Variants in DNAL1 observed in about 807,000 individuals in gnomAD.
The protein encoded by DNAL1 is dynein axonemal light chain 1.
DNAL1 carries 17 observed loss-of-function variants against 29.4 expected under a neutral mutation model. The observed-to-expected ratio is 0.58, with a 90% CI of 0.40 to 0.87. The LOEUF (loss-of-function observed/expected upper bound fraction) is 0.87. DNAL1 is among the 40% of genes least tolerant of loss of function. The probability of loss-of-function intolerance (pLI) is 0.00; values close to 1 mark genes in which losing one functional copy is unlikely to be tolerated. For missense variants in DNAL1, 188 were observed against 214.1 expected (o/e 0.88, Z 0.76); for synonymous variants, 78 against 76.3 (o/e 1.02, Z -0.12).
At chr14:73,689,852 A>C (rs1892123863) in intron 7 of DNAL1, among the ~76,000 whole-genome samples, 1 of 151,962 alleles carries the variant, frequency 6.6e-6, no homozygotes, top group South Asian at 2.1e-4. Flanking sequence ...CCTGGCCAAC[A>C]TGGTGAAACC....
At chr14:73,694,581 G>A (rs1892257502) in intron 7 of DNAL1, among the ~76,000 whole-genome samples, 1 of 152,080 alleles carries the variant, frequency 6.6e-6, no homozygotes, top group Admixed American at 6.6e-5. Flanking sequence ...TCAGCAATTG[G>A]GGGAGGTCAT....
At chr14:73,687,226 CAT>C (rs1411728935) in intron 5 of DNAL1, 31 bp from the exon 6 acceptor site, 1 of 1,607,160 alleles carries the variant, frequency 6.2e-7, no homozygotes, top group South Asian at 1.1e-5. Context: ...AAAGCTTAAA[CAT>C]AAACATAAAT....
rs903827032 is a variant in DNAL1 at position 73,696,248 on chromosome 14, T to G, written c.*306T>G. On this transcript the variant is annotated 3_prime_UTR_variant, in exon 8 of 8. Coordinates refer to ENST00000553645, the MANE Select transcript of DNAL1 (RefSeq NM_031427.4). ...ACAAAACCTTTGTAGACCAGTCATT[T>G]TTAATAACAAAGGAACAAATGTTTT... The G allele has an allele frequency of 1.4e-5, 3 of 208,422 alleles. No individual in the cohort carries two copies. Among genetic ancestry groups the G allele is most frequent in the African/African-American group, 6.9e-5 (3 of 43,442 alleles). 12.9% of individuals were successfully genotyped at this position (208,422 alleles called of 1,614,324 possible). A position where few individuals can be genotyped will look rare whatever the true frequency, so the allele number is the denominator to read the frequency against.
At chr14:73,647,238 G>A (rs1450573758) in intron 1 of DNAL1, among the ~76,000 whole-genome samples, 5 of 151,526 alleles carry the variant, frequency 3.3e-5, no homozygotes, top group African/African-American at 4.8e-5. Flanking sequence ...GGTGGTAGGC[G>A]CCTATAGTCC....
At position 73,697,266 on chromosome 14, in the gene DNAL1, A is replaced by G. The variant is rs1892320029; in HGVS notation, c.*1324A>G. 1 of 152,164 alleles carries G rather than the reference A, an allele frequency of 6.6e-6. No individual in the cohort carries two copies. The highest frequency in any genetic ancestry group is 2.4e-5 in the African/African-American group (1 of 41,416). The allele number at this position is 152,164 out of a possible 1,614,324, so 9.4% of individuals were successfully genotyped here. A position where few individuals can be genotyped will look rare whatever the true frequency, so the allele number is the denominator to read the frequency against. On this transcript the variant is annotated 3_prime_UTR_variant, in exon 8 of 8. Coordinates refer to ENST00000553645, the MANE Select transcript of DNAL1 (RefSeq NM_031427.4). ...AGAGACTGTTGATTCTGGTTTCCCC[A>G]TCTACTTGTGTGATTTTACTTGCAT...
intron 5 of DNAL1, among the ~76,000 whole-genome samples, chr14:73,678,612 C>A (rs1226378374): frequency 6.7e-6 from 1 of 149,966 alleles, no homozygotes; most frequent in Non-Finnish European, 1.5e-5. Flanking sequence ...CTGAGACAGG[C>A]AGTTTGTCAA....
chr14:73,697,231 A>G lies in DNAL1; in HGVS notation c.*1289A>G, dbSNP rs1892319055. The stretch of plus-strand genomic sequence containing the variant: ...AGGGGCCCTCTGCCAAATTGTGCCT[A>G]AAGTCCCTCAGAGACTGTTGATTCT... On this transcript the variant is annotated 3_prime_UTR_variant, in exon 8 of 8. Transcript: ENST00000553645. 6.6e-6 allele frequency: 1 copy of G among 152,198 alleles called. No homozygotes were observed. The highest frequency in any genetic ancestry group is 1.5e-5 in the Non-Finnish European group (1 of 68,034). The allele number at this position is 152,198 out of a possible 1,614,324, so 9.4% of individuals were successfully genotyped here.
chr14:73,691,789 G>A (rs1892176882), intron 7 of DNAL1, among the ~76,000 whole-genome samples: 1 of 150,534 alleles, frequency 6.6e-6, no homozygotes, highest in South Asian at 2.1e-4. Flanking sequence ...CGCCTCCCGG[G>A]TTCAAGCGAT....
At chr14:73,659,756 AC>A (rs1284240793) in intron 3 of DNAL1, 1 of 152,006 alleles carries the variant, frequency 6.6e-6, no homozygotes, top group Non-Finnish European at 1.5e-5. Flanking sequence ...CCTAAGAGAT[AC>A]CCCTTAAAAA....
At chr14:73,668,519 G>C (rs7157944) in intron 4 of DNAL1, among the ~76,000 whole-genome samples, 44,952 of 151,938 alleles carry the variant, frequency 0.3, 6,958 homozygotes, top group Middle Eastern at 0.42. Context: ...TAATTTGCTA[G>C]GTTGCTGTAA....
chr14:73,668,130 C>T (rs1891531912), intron 4 of DNAL1, among the ~76,000 whole-genome samples: 1 of 152,158 alleles, frequency 6.6e-6, no homozygotes, highest in South Asian at 2.1e-4. Context: ...CTAACATCAT[C>T]TCCTATCAAA....
At chr14:73,650,458 G>A (rs984122542) in intron 1 of DNAL1, among the ~76,000 whole-genome samples, 2 of 152,108 alleles carry the variant, frequency 1.3e-5, no homozygotes, top group African/African-American at 4.8e-5. Flanking sequence ...ATAGATGTAA[G>A]CTCCATGAAG....
intron 7 of DNAL1, among the ~76,000 whole-genome samples, chr14:73,691,683 C>T (rs1892174578): frequency 6.6e-6 from 1 of 152,058 alleles, no homozygotes; most frequent in Non-Finnish European, 1.5e-5. Context: ...TTCAGCTGGG[C>T]TGTTAAGAAA....
chr14:73,661,965 T>G lies in DNAL1; in HGVS notation c.153-22T>G, dbSNP rs1323557415. ...TACCATTTACATTTTTCACATTAAA[T>G]TTTTTCTTTGTTCTTTTAAAGGAAG... On this transcript the variant is annotated intron_variant, in intron 3 of 7. Transcript: ENST00000553645. 3.3e-6 allele frequency: 5 copies of G among 1,523,200 alleles called. No individual in the cohort carries two copies. In the South Asian group the frequency reaches 5.1e-5, roughly 15 times the overall value. 94.4% of individuals were successfully genotyped at this position (1,523,200 alleles called of 1,614,324 possible).
chr14:73,655,878 A>G (rs944131511), intron 2 of DNAL1, among the ~76,000 whole-genome samples: 4 of 152,202 alleles, frequency 2.6e-5, no homozygotes, highest in African/African-American at 9.6e-5. Context: ...GACATGCATT[A>G]TATATAAATT....
chr14:73,649,307 G>A (rs1891059219), intron 1 of DNAL1, among the ~76,000 whole-genome samples: 1 of 147,858 alleles, frequency 6.8e-6, no homozygotes, highest in African/African-American at 2.5e-5. Flanking sequence ...TTTTGAGACG[G>A]AGTCTCGCTC....
chr14:73,648,847 C>CTAAAT (rs1891044936), intron 1 of DNAL1, among the ~76,000 whole-genome samples: 1 of 151,138 alleles, frequency 6.6e-6, no homozygotes, highest in Non-Finnish European at 1.5e-5. Context: ...TATTGGTCCT[C>CTAAAT]ATTGGTTTCA....
chr14:73,695,874 C>G (rs1159786979), intron 7 of DNAL1, 28 bp from the exon 8 acceptor site: 1 of 1,535,832 alleles, frequency 6.5e-7, no homozygotes, highest in Middle Eastern at 1.7e-4. Flanking sequence ...TTGAGAATAA[C>G]CAGTAATAAT....
intron 1 of DNAL1, among the ~76,000 whole-genome samples, chr14:73,648,888 A>G (rs1369770189): frequency 6.7e-6 from 1 of 149,952 alleles, no homozygotes; most frequent in Non-Finnish European, 1.5e-5. Context: ...GGCCAGAAGA[A>G]TAATAAATAT....
Sources: gnomAD v4.1 joint callset for allele counts (sites outside exome capture counted in the v4.1 genomes callset) on GRCh38, gnomAD v4.1.1 for gene constraint, MANE v1.5 for transcripts, NCBI Gene and HGNC (gene_info 2026-07-23, HGNC 2026-07-21) for gene names.